Variants in XIRP2 observed in about 807,000 individuals in gnomAD.
XIRP2 encodes the protein xin actin-binding repeat-containing protein 2.
Under a neutral mutation model 277.0 loss-of-function variants are expected in XIRP2, and 236 were observed. The observed-to-expected ratio is 0.85, with a 90% CI of 0.77 to 0.95. The LOEUF (loss-of-function observed/expected upper bound fraction) is 0.95, where lower values mean the gene tolerates loss of function less well. XIRP2 is among the 40% of genes least tolerant of loss of function. The probability of loss-of-function intolerance (pLI) is 0.00; values close to 1 mark genes in which losing one functional copy is unlikely to be tolerated. For missense variants in XIRP2, 4,640 were observed against 4,157.5 expected (o/e 1.12, Z -3.19); for synonymous variants, 1,490 against 1,416.5 (o/e 1.05, Z -1.17).
At chr2:166,994,640 C>A (rs1687158588) in intron 2 of XIRP2, among the ~76,000 whole-genome samples, 1 of 131,464 alleles carries the variant, frequency 7.6e-6, no homozygotes, top group African/African-American at 3.0e-5. Flanking sequence ...ATCCATTCTT[C>A]AATTGCAGTG....
rs368577607 is a variant in XIRP2 at position 167,135,961 on chromosome 2, G to A, written c.461G>A (p.Gly154Glu). 3.1e-4 allele frequency: 493 copies of A among 1,610,900 alleles called. 8 individuals carry two copies. The South Asian group carries it at 5.2e-3, about 17-fold the overall frequency. ...TCGCCAGCTTTTAAGAGTCACCCTG[G>A]GAGCCAGCTGGAGGATTCTGTGAAA... ...LCSPAFKSHP[G>E]SQLEDSVKDS... Residue 154 changes from glycine to glutamate, a missense_variant, in exon 3 of 11, where the codon GGG becomes GAG. Coordinates refer to ENST00000409195, the MANE Select transcript of XIRP2 (RefSeq NM_152381.6).
intron 2 of XIRP2, among the ~76,000 whole-genome samples, chr2:167,062,567 G>A (rs944023273): frequency 4.0e-5 from 6 of 151,896 alleles, no homozygotes; most frequent in Admixed American, 2.0e-4. Flanking sequence ...TCTGTTTCTG[G>A]GTAAAATTAC....
chr2:167,067,184 T>C (rs1388001971), intron 2 of XIRP2, among the ~76,000 whole-genome samples: 1 of 152,132 alleles, frequency 6.6e-6, no homozygotes, highest in Non-Finnish European at 1.5e-5. Context: ...TATGAGTAAT[T>C]GACAGTACCC....
intron 2 of XIRP2, among the ~76,000 whole-genome samples, chr2:166,910,761 T>A (rs991315565): frequency 1.3e-5 from 2 of 152,218 alleles, no homozygotes; most frequent in Admixed American, 6.5e-5. Context: ...GTGCTGTAAA[T>A]TTCCCTCTAC....
chr2:167,138,221 CAGT>C (rs1171242953), intron 3 of XIRP2, among the ~76,000 whole-genome samples: 1 of 152,104 alleles, frequency 6.6e-6, no homozygotes, highest in African/African-American at 2.4e-5. Context: ...ATATGAAAAA[CAGT>C]AGATTTTTAA....
intron 2 of XIRP2, among the ~76,000 whole-genome samples, chr2:167,057,215 G>A (rs1357564682): frequency 1.3e-5 from 2 of 152,116 alleles, no homozygotes; most frequent in African/African-American, 4.8e-5. Flanking sequence ...TAAAGCATGG[G>A]AATGAATTAG....
At chr2:167,009,835 A>T (rs28862352) in intron 2 of XIRP2, among the ~76,000 whole-genome samples, 5,401 of 152,082 alleles carry the variant, frequency 0.036, 121 homozygotes, top group East Asian at 0.078. Flanking sequence ...GCATTTCTTC[A>T]TGTGTTTTTT....
chr2:166,947,509 T>C (rs1053670378), intron 2 of XIRP2, among the ~76,000 whole-genome samples: 3 of 152,204 alleles, frequency 2.0e-5, no homozygotes, highest in African/African-American at 7.2e-5. Flanking sequence ...GACATTTTTC[T>C]TTTAATATTT....
At chr2:166,928,497 G>A (rs1384745483) in intron 2 of XIRP2, among the ~76,000 whole-genome samples, 1 of 152,048 alleles carries the variant, frequency 6.6e-6, no homozygotes, top group Non-Finnish European at 1.5e-5. Context: ...AATTCTTCAA[G>A]CCTCCTTAAA....
rs987933515 is a variant in XIRP2, at chr2:167,146,820, T to A, written c.562+10758T>A. Among the ~76,000 whole-genome samples, 3 of 151,812 alleles carry A rather than the reference T, an allele frequency of 2.0e-5. No individual in the cohort carries two copies. In the East Asian group the frequency reaches 5.8e-4, roughly 29 times the overall value. The stretch of plus-strand genomic sequence containing the variant: ...AGGGTCTATACCTGTAGACAAAAGA[T>A]AGTGAAAGTACGTAATACGACAGAA... On this transcript the variant is annotated intron_variant, in intron 3 of 10. Transcript: ENST00000409195.
chr2:167,230,482 A>G (rs1694719241), intron 5 of XIRP2, among the ~76,000 whole-genome samples: 1 of 152,056 alleles, frequency 6.6e-6, no homozygotes, highest in Non-Finnish European at 1.5e-5. Flanking sequence ...TATGATAATA[A>G]GAAATAGTAT....
intron 2 of XIRP2, among the ~76,000 whole-genome samples, chr2:167,119,205 A>G (rs1690980856): frequency 6.6e-6 from 1 of 152,178 alleles, no homozygotes; most frequent in Non-Finnish European, 1.5e-5. Context: ...AAAAATAGGA[A>G]GCTCACGAAA....
rs1438073966 is a variant in XIRP2, at chr2:167,245,492, CTG to C, written c.4104_4105del (p.Tyr1369CysfsTer3). 17 of 1,613,526 alleles carry C rather than the reference CTG, an allele frequency of 1.1e-5. No homozygotes were observed. In the East Asian group the frequency reaches 3.3e-4, roughly 32 times the overall value. ...TTAGACTCTATTAATAAATCAGAAA[CTG>C]TGTATGTTATTAAATCTGTCACACA... On this transcript the variant is annotated frameshift_variant, in exon 9 of 11. Coordinates refer to ENST00000409195, the MANE Select transcript of XIRP2 (RefSeq NM_152381.6). LOFTEE classifies it high-confidence loss of function.
chr2:166,935,294 C>T (rs1296359735), intron 2 of XIRP2, among the ~76,000 whole-genome samples: 1 of 152,046 alleles, frequency 6.6e-6, no homozygotes, highest in East Asian at 1.9e-4. Flanking sequence ...AAAACCATAT[C>T]TAAAAATATT....
intron 2 of XIRP2, among the ~76,000 whole-genome samples, chr2:166,943,384 G>T (rs1685772424): frequency 6.6e-6 from 1 of 152,134 alleles, no homozygotes; most frequent in South Asian, 2.1e-4. Context: ...CTCTCTCTTT[G>T]CTTTCTCCTT....
In XIRP2 at chr2:167,075,447, G is replaced by A. The variant is rs527525686; in HGVS notation, c.409-60462G>A. 5.3e-5 allele frequency among the ~76,000 whole-genome samples: 8 copies of A among 152,234 alleles called. No homozygotes were observed. In the South Asian group the frequency reaches 1.5e-3, roughly 28 times the overall value. On this transcript the variant is annotated intron_variant, in intron 2 of 10. Transcript: ENST00000409195. ...GAACACTTTGCTCACATCAAGGCAC[G>A]TCATTTCTAAGAGTTTCACAGCTGC...
At chr2:167,144,917 C>A (rs918296462) in intron 3 of XIRP2, among the ~76,000 whole-genome samples, 6 of 152,116 alleles carry the variant, frequency 3.9e-5, no homozygotes, top group African/African-American at 1.4e-4. Flanking sequence ...TACTTTTTAA[C>A]TAATCAAGTT....
At chr2:166,924,352 G>A (rs1685130402) in intron 2 of XIRP2, among the ~76,000 whole-genome samples, 1 of 152,022 alleles carries the variant, frequency 6.6e-6, no homozygotes, top group South Asian at 2.1e-4. Context: ...AGCACTCTGT[G>A]ATACTGAGAC....
rs1472441864 is a variant in XIRP2 at position 167,184,626 on chromosome 2, C to T, written c.563-26109C>T. 8.4e-6 allele frequency: 6 copies of T among 717,068 alleles called. No individual in the cohort carries two copies. In the East Asian group the frequency reaches 1.1e-4, roughly 13 times the overall value. The allele number at this position is 717,068 out of a possible 1,614,324, so 44.4% of individuals were successfully genotyped here. ...AAGACCCCCAAGAACAGCCTCAAAT[C>T]CTCAACTTATATTTGTAAGGTTCTC... is the stretch of plus-strand genomic sequence containing the variant. On this transcript the variant is annotated intron_variant, in intron 3 of 10. Coordinates refer to ENST00000409195, the MANE Select transcript of XIRP2 (RefSeq NM_152381.6).
Sources: gnomAD v4.1 joint callset for allele counts (sites outside exome capture counted in the v4.1 genomes callset) on GRCh38, gnomAD v4.1.1 for gene constraint, MANE v1.5 for transcripts, NCBI Gene and HGNC (gene_info 2026-07-23, HGNC 2026-07-21) for gene names.